The following GALNT2 variants were observed in gnomAD, a reference collection of about 807,000 sequenced individuals.
The protein encoded by GALNT2 is polypeptide N-acetylgalactosaminyltransferase 2, also known as UDP-GalNAc:polypeptide N-acetylgalactosaminyltransferase 2.
GALNT2 carries 31 observed loss-of-function variants against 81.4 expected under a neutral mutation model. The ratio of observed to expected loss-of-function variants is 0.38; its 90% CI spans 0.29 to 0.51. The LOEUF is 0.51. Among genes scored for constraint, GALNT2 ranks in the 20% least tolerant of loss-of-function variants. The pLI, the probability that GALNT2 is intolerant of heterozygous loss-of-function variation, is 0.87. For synonymous variants in GALNT2, 303 were observed against 287.4 expected, an observed-to-expected ratio of 1.05 and a Z score of -0.55; for missense variants, 629 against 765.7, an observed-to-expected ratio of 0.82 and a Z score of 2.11.
At chr1:230,058,383 G>A (rs1468950252) in intron 1 of GALNT2, among the ~76,000 whole-genome samples, 1 of 152,162 alleles carries the variant, frequency 6.6e-6, no homozygotes, top group African/African-American at 2.4e-5. Context: ...GATCCCCTAA[G>A]CCCCCGTGAT....
At chr1:230,247,082 A>G (rs1158559269) in intron 8 of GALNT2, among the ~76,000 whole-genome samples, 2 of 151,612 alleles carry the variant, frequency 1.3e-5, no homozygotes, top group African/African-American at 4.8e-5. Context: ...CTCTATTAAA[A>G]AAAAAAAAAA....
chr1:230,066,313 G>T (rs1471784181), upstream of GALNT2, among the ~76,000 whole-genome samples: 1 of 152,248 alleles, frequency 6.6e-6, no homozygotes, highest in Non-Finnish European at 1.5e-5. Context: ...TTACAAGACA[G>T]ATCGTTTTCT....
At chr1:230,125,135 G>A (rs1479465118) in intron 1 of GALNT2, among the ~76,000 whole-genome samples, 2 of 152,242 alleles carry the variant, frequency 1.3e-5, no homozygotes, top group Non-Finnish European at 2.9e-5. Context: ...CCCAAGCCTG[G>A]TTATGCATTG....
chr1:230,072,322 T>G (rs1234406757), intron 1 of GALNT2, among the ~76,000 whole-genome samples: 1 of 129,004 alleles, frequency 7.8e-6, no homozygotes, highest in Non-Finnish European at 1.6e-5. Context: ...TTCTAGCAAG[T>G]CCAGAGGCAG....
chr1:230,271,121 T>C lies in GALNT2; in HGVS notation c.1441-3324T>C, dbSNP rs1450896827. 6.6e-6 allele frequency among the ~76,000 whole-genome samples: 1 copy of C among 152,218 alleles called. No homozygotes were observed. The highest frequency in any genetic ancestry group is 1.5e-5 in the Non-Finnish European group (1 of 68,040). On this transcript the variant is annotated intron_variant, in intron 14 of 15. Transcript: ENST00000366672. This position sits in a 1 kb window ranked among gnomAD's most constrained non-coding sequence, Gnocchi z 4.2. ...TTGTCCCTCTTACTCAGGACTCTCC[T>C]CTTCACTGTGAGTGGGCGTCTCTGT...
At chr1:230,226,785 G>A (rs182881720) in intron 3 of GALNT2, among the ~76,000 whole-genome samples, 12 of 152,352 alleles carry the variant, frequency 7.9e-5, no homozygotes, top group Admixed American at 6.5e-4. Context: ...TGTTTCTCCA[G>A]CTGTAGAATT....
chr1:230,178,257 C>G lies in GALNT2; in HGVS notation c.166C>G (p.Leu56Val). Residue 56 changes from leucine (L) to valine (V), a missense_variant, in exon 2 of 16, where the codon CTT becomes GTT. By Grantham distance (32) the Leu-to-Val change is conservative (BLOSUM62 1). Transcript: ENST00000366672. ...AATTGACCCCATTAAAAAGAAAGAC[C>G]TTCATCACAGCAATGGAGAAGAGAA... is the stretch of plus-strand genomic sequence containing the variant. ...NEIDPIKKKD[L>V]HHSNGEEKAQ... 1 of 1,614,064 alleles carries G rather than the reference C, an allele frequency of 6.2e-7. No homozygotes were observed. The highest frequency in any genetic ancestry group is 1.7e-4 in the Middle Eastern group (1 of 6,058).
At chr1:230,101,336 G>T (rs76834158) in intron 1 of GALNT2, among the ~76,000 whole-genome samples, 6,158 of 152,142 alleles carry the variant, frequency 0.04, 188 homozygotes, top group Non-Finnish European at 0.059. Flanking sequence ...TTCTCCCACC[G>T]CCAGTCCTTT....
intron 3 of GALNT2, among the ~76,000 whole-genome samples, chr1:230,223,005 A>G (rs1251743662): frequency 6.6e-6 from 1 of 152,172 alleles, no homozygotes; most frequent in African/African-American, 2.4e-5. Flanking sequence ...AAATTCAAAT[A>G]TACATGTTCA....
At chr1:230,089,678 T>C (rs1285511298) in intron 1 of GALNT2, among the ~76,000 whole-genome samples, 1 of 152,216 alleles carries the variant, frequency 6.6e-6, no homozygotes, top group Non-Finnish European at 1.5e-5. Flanking sequence ...TTTATCCTTT[T>C]GAATTGGCTT....
At chr1:230,181,643 C>T (rs1663163984) in intron 2 of GALNT2, among the ~76,000 whole-genome samples, 1 of 152,036 alleles carries the variant, frequency 6.6e-6, no homozygotes, top group African/African-American at 2.4e-5. Flanking sequence ...CCTGCCTCAG[C>T]CCTCCCAAAG....
At chr1:230,216,516 A>T (rs539567038) in intron 3 of GALNT2, among the ~76,000 whole-genome samples, 11 of 152,328 alleles carry the variant, frequency 7.2e-5, no homozygotes, top group South Asian at 4.1e-4. Flanking sequence ...ATCATAGCTC[A>T]CCGTAACAAA....
rs1663054024 is a variant in GALNT2, at chr1:230,178,379, T to A, written c.220+68T>A. 5.0e-6 allele frequency: 6 copies of A among 1,192,522 alleles called. No homozygotes were observed. The East Asian group carries it at 9.6e-5, about 19-fold the overall frequency. The allele number at this position is 1,192,522 out of a possible 1,614,324, so 73.9% of individuals were successfully genotyped here. ...ATTGGGAGTGGACTGAGCATGGCTC[T>A]TGGAGCAGGTGGTCTGTGGGGAGAG... is the stretch of plus-strand genomic sequence containing the variant. On this transcript the variant is annotated intron_variant, in intron 2 of 15. Transcript: ENST00000366672.
At chr1:230,221,895 A>G (rs1042707147) in intron 3 of GALNT2, among the ~76,000 whole-genome samples, 15 of 151,996 alleles carry the variant, frequency 9.9e-5, no homozygotes, top group Non-Finnish European at 4.4e-5. Context: ...TTAAATCTTT[A>G]TTAATTATAA....
chr1:230,266,001 G>A (rs992049188), intron 14 of GALNT2, among the ~76,000 whole-genome samples: 9 of 152,166 alleles, frequency 5.9e-5, no homozygotes, highest in African/African-American at 2.2e-4. Context: ...AGACCAGCCT[G>A]GCCGACATGG....
In GALNT2 at chr1:230,279,614, C is replaced by CCG; in HGVS notation, c.*156_*157insCG. 2.2e-6 allele frequency: 2 copies of CCG among 917,678 alleles called. No individual in the cohort carries two copies. The highest frequency in any genetic ancestry group is 3.2e-6 in the Non-Finnish European group (2 of 621,598). The allele number at this position is 917,678 out of a possible 1,614,324, so 56.8% of individuals were successfully genotyped here. A position where few individuals can be genotyped will look rare whatever the true frequency, so the allele number is the denominator to read the frequency against. On this transcript the variant is annotated 3_prime_UTR_variant, in exon 16 of 16. Transcript: ENST00000366672. This position sits in a 1 kb window ranked among gnomAD's most constrained non-coding sequence, Gnocchi z 4.6. ...TCAAACTTCGGCAAGGCACGGACGA[C>CCG]TGTGCAGACACAGCAGCGGCAAGAA... is the stretch of plus-strand genomic sequence containing the variant.
intron 1 of GALNT2, chr1:230,058,209 C>G (rs2102730732): frequency 2.3e-6 from 1 of 436,442 alleles, no homozygotes. Context: ...AACTCTCAGG[C>G]TCACTCAGGG....
At chr1:230,206,277 AT>A (rs1263146992) in intron 3 of GALNT2, among the ~76,000 whole-genome samples, 2 of 151,912 alleles carry the variant, frequency 1.3e-5, no homozygotes, top group South Asian at 2.1e-4. Flanking sequence ...ATGTACGTAT[AT>A]TTTTTTTCAA....
chr1:230,188,069 C>G (rs1056040111), intron 2 of GALNT2, among the ~76,000 whole-genome samples: 15 of 152,142 alleles, frequency 9.9e-5, no homozygotes, highest in African/African-American at 3.6e-4. Flanking sequence ...AGGGACCACT[C>G]TCTCCTACCC....
Sources: allele counts gnomAD v4.1 joint callset (sites outside exome capture counted in the v4.1 genomes callset), GRCh38; gene constraint gnomAD v4.1.1; non-coding constraint Gnocchi (gnomAD v3.1); transcripts MANE v1.5; gene names NCBI Gene and HGNC (gene_info 2026-07-23, HGNC 2026-07-21).